The following EPHA6 variants were observed in gnomAD, a reference collection of about 807,000 sequenced individuals.
EPHA6 encodes the protein EPH receptor A6.
A neutral mutation model predicts 112.0 loss-of-function variants in EPHA6; 50 were observed. That is an observed-to-expected ratio of 0.45 (90% CI 0.36 to 0.56). The LOEUF is 0.56. EPHA6 is among the 20% of genes least tolerant of loss of function. The pLI is 0.00. For missense variants in EPHA6, 1,280 were observed against 1,417.4 expected, an observed-to-expected ratio of 0.90 and a Z score of 1.56; for synonymous variants, 529 against 490.7, an observed-to-expected ratio of 1.08 and a Z score of -1.03.
chr3:97,272,403 G>A (rs926498840), intron 5 of EPHA6, among the ~76,000 whole-genome samples: 6 of 152,002 alleles, frequency 3.9e-5, no homozygotes, highest in African/African-American at 1.2e-4. Context: ...AACATAAGGC[G>A]ATCTCATCAT....
rs904463717 is a variant in EPHA6 at position 97,751,724 on chromosome 3, A to G, written c.*3023A>G. ...CATAAAACTTAATTATAAAAAGAAA[A>G]TAAGTAACTTCCATAAATCACAAGT... On this transcript the variant is annotated 3_prime_UTR_variant, in exon 18 of 18. Transcript: ENST00000389672. 6.6e-6 allele frequency among the ~76,000 whole-genome samples: 1 copy of G among 152,172 alleles called. No homozygotes were observed. The highest frequency in any genetic ancestry group is 2.4e-5 in the African/African-American group (1 of 41,452).
intron 4 of EPHA6, among the ~76,000 whole-genome samples, chr3:97,233,795 G>A (rs1293865548): frequency 6.6e-6 from 1 of 152,080 alleles, no homozygotes; most frequent in African/African-American, 2.4e-5. Flanking sequence ...TCAAGTATGT[G>A]ATGAAACCAT....
chr3:97,092,508 G>A (rs1500693), intron 3 of EPHA6, among the ~76,000 whole-genome samples: 14,998 of 152,026 alleles, frequency 0.099, 1,217 homozygotes, highest in Admixed American at 0.22. Context: ...TTTGAGGTTT[G>A]TTTCTTTCAA....
At chr3:97,179,870 A>G (rs2076941484) in intron 3 of EPHA6, among the ~76,000 whole-genome samples, 1 of 151,912 alleles carries the variant, frequency 6.6e-6, no homozygotes, top group African/African-American at 2.4e-5. Context: ...GGTCTCACAC[A>G]AGGCGTGCTG....
At chr3:97,681,065 A>G (rs761083033) in intron 14 of EPHA6, among the ~76,000 whole-genome samples, 19 of 152,274 alleles carry the variant, frequency 1.2e-4, no homozygotes, top group Non-Finnish European at 2.6e-4. Context: ...CAAGTAGTCA[A>G]ATAGTGAAAA....
chr3:97,567,974 G>T (rs1441640772), intron 11 of EPHA6, among the ~76,000 whole-genome samples: 2 of 152,072 alleles, frequency 1.3e-5, no homozygotes, highest in East Asian at 3.9e-4. Context: ...TTATAAGGGT[G>T]GTCCCTTGTT....
chr3:97,614,501 ATTTTTTTTTTTT>A (rs35126699), intron 13 of EPHA6, among the ~76,000 whole-genome samples: 2 of 98,266 alleles, frequency 2.0e-5, no homozygotes, highest in Non-Finnish European at 3.7e-5. Flanking sequence ...CACCCAGCTA[ATTTTTTTTTTTT>A]TTTTTTTTTT....
intron 2 of EPHA6, among the ~76,000 whole-genome samples, chr3:96,913,082 A>T (rs1429844890): frequency 6.7e-6 from 1 of 150,354 alleles, no homozygotes; most frequent in East Asian, 2.0e-4. Flanking sequence ...TAATCACAGT[A>T]CTTTGGGAGG....
chr3:97,582,340 C>CTTATGTCTT (rs2093446142), intron 11 of EPHA6, among the ~76,000 whole-genome samples: 2 of 152,050 alleles, frequency 1.3e-5, no homozygotes, highest in South Asian at 4.1e-4. Flanking sequence ...TAAAGCCACT[C>CTTATGTCTT]TTATGTCTTG....
chr3:97,302,674 G>A (rs185788097), intron 5 of EPHA6, among the ~76,000 whole-genome samples: 4 of 151,828 alleles, frequency 2.6e-5, no homozygotes, highest in Admixed American at 6.6e-5. Flanking sequence ...AATATTTCTG[G>A]TTGGTAGACA....
rs991953010 is a variant in EPHA6, at chr3:97,753,591, T to A, written c.*4890T>A. On this transcript the variant is annotated 3_prime_UTR_variant, in exon 18 of 18. Coordinates refer to ENST00000389672, the MANE Select transcript of EPHA6 (RefSeq NM_001080448.3). ...TCAGTTCGTATATGGATTCACTACC[T>A]CAAAGGTGCCTCCTGTTAGAAAACA... Among the ~76,000 whole-genome samples, 9 of 152,318 alleles carry A rather than the reference T, an allele frequency of 5.9e-5. No homozygotes were observed. In the East Asian group the frequency reaches 1.7e-3, roughly 29 times the overall value.
intron 14 of EPHA6, among the ~76,000 whole-genome samples, chr3:97,652,338 TA>T (rs201055190): frequency 0.022 from 3,407 of 152,138 alleles, 110 homozygotes; most frequent in African/African-American, 0.076. Flanking sequence ...ACCGGTTATT[TA>T]TGCTGTTTGC....
At chr3:97,086,493 T>G (rs1445281381) in intron 3 of EPHA6, among the ~76,000 whole-genome samples, 1 of 152,080 alleles carries the variant, frequency 6.6e-6, no homozygotes, top group African/African-American at 2.4e-5. Context: ...TTTAATAAGT[T>G]TTACAATATT....
In EPHA6 at chr3:97,597,229, C is replaced by A. The variant is rs148983080; in HGVS notation, c.2512+4492C>A. ...CTGAGGTACCCTCTCTGTTTGCCTGCCTGTGCTTTAAGTACAATGCTATAT... is the reference window on the plus strand; with the variant it reads ...CTGAGGTACCCTCTCTGTTTGCCTGACTGTGCTTTAAGTACAATGCTATAT... On this transcript the variant is annotated intron_variant, in intron 12 of 17. Coordinates refer to ENST00000389672, the MANE Select transcript of EPHA6 (RefSeq NM_001080448.3). Among the ~76,000 whole-genome samples, 290 of 152,064 alleles carry A rather than the reference C, an allele frequency of 1.9e-3. 3 individuals carry two copies. Among genetic ancestry groups the A allele is most frequent in the African/African-American group, 5.9e-3 (243 of 41,492 alleles).
At chr3:97,580,610 G>T (rs773741962) in intron 11 of EPHA6, among the ~76,000 whole-genome samples, 1 of 152,182 alleles carries the variant, frequency 6.6e-6, no homozygotes, top group South Asian at 2.1e-4. Flanking sequence ...TGGTGGCACA[G>T]CAAGGGGCTG....
intron 3 of EPHA6, among the ~76,000 whole-genome samples, chr3:97,193,673 T>C (rs2077366182): frequency 6.6e-6 from 1 of 152,056 alleles, no homozygotes; most frequent in Non-Finnish European, 1.5e-5. Context: ...CAGTATTATG[T>C]TCAGTAACAA....
At chr3:97,249,354 T>G (rs1276327645) in intron 5 of EPHA6, among the ~76,000 whole-genome samples, 1 of 152,156 alleles carries the variant, frequency 6.6e-6, no homozygotes. Context: ...AAATCATGAT[T>G]AGTAATGATT....
At chr3:97,305,708 G>A (rs1317012255) in intron 5 of EPHA6, among the ~76,000 whole-genome samples, 1 of 151,882 alleles carries the variant, frequency 6.6e-6, no homozygotes, top group Non-Finnish European at 1.5e-5. Flanking sequence ...CACACACTGG[G>A]CCTGTCAGTG....
chr3:97,743,191 A>C (rs2035581008), intron 16 of EPHA6, among the ~76,000 whole-genome samples: 4 of 152,214 alleles, frequency 2.6e-5, no homozygotes, highest in African/African-American at 9.6e-5. Flanking sequence ...TAGGTTCTTT[A>C]TTTATTGGAA....
Sources: allele counts gnomAD v4.1 joint callset (sites outside exome capture counted in the v4.1 genomes callset), GRCh38; gene constraint gnomAD v4.1.1; transcripts MANE v1.5; gene names NCBI Gene and HGNC (gene_info 2026-07-23, HGNC 2026-07-21).